TMEM245: variants seen among roughly 807,000 people sequenced by gnomAD.
The protein encoded by TMEM245 is transmembrane protein 245, also known as protein CG-2.
Under a neutral mutation model 101.2 loss-of-function variants are expected in TMEM245, and 69 were observed. That is an observed-to-expected ratio of 0.68 (90% CI 0.56 to 0.83). The LOEUF (loss-of-function observed/expected upper bound fraction) is 0.83. TMEM245 is among the 40% of genes least tolerant of loss of function. The pLI, the probability that TMEM245 is intolerant of heterozygous loss-of-function variation, is 0.00. For synonymous variants in TMEM245, 537 were observed against 449.8 expected (o/e 1.19, Z -2.45); for missense variants, 1,075 against 1,092.8 (o/e 0.98, Z 0.23).
At chr9:109,116,044 A>G (rs1483302572) in intron 1 of TMEM245, among the ~76,000 whole-genome samples, 1 of 152,200 alleles carries the variant, frequency 6.6e-6, no homozygotes, top group Non-Finnish European at 1.5e-5. Flanking sequence ...AGAGAATGAA[A>G]TAACACCCAT....
chr9:109,024,309 C>A (rs183888985), intron 17 of TMEM245, among the ~76,000 whole-genome samples: 17 of 152,220 alleles, frequency 1.1e-4, no homozygotes, highest in Admixed American at 3.9e-4. Flanking sequence ...GAATAAAGTT[C>A]TAAGGCTAGG....
intron 3 of TMEM245, among the ~76,000 whole-genome samples, chr9:109,104,504 C>G (rs1306147518): frequency 2.6e-5 from 4 of 152,098 alleles, no homozygotes; most frequent in Non-Finnish European, 5.9e-5. Flanking sequence ...GAATGCAATC[C>G]CTATCAAAAT....
intron 1 of TMEM245, among the ~76,000 whole-genome samples, chr9:109,119,048 C>A (rs1830812105): frequency 6.6e-6 from 1 of 152,222 alleles, no homozygotes; most frequent in Non-Finnish European, 1.5e-5. Flanking sequence ...CCTCTCTCTG[C>A]AAAGCGAAAT....
At chr9:109,094,256 C>A (rs1830081796) in intron 3 of TMEM245, among the ~76,000 whole-genome samples, 1 of 152,158 alleles carries the variant, frequency 6.6e-6, no homozygotes, top group Non-Finnish European at 1.5e-5. Context: ...AACCTTTAAC[C>A]TTCTATAGCA....
At position 109,015,268 on chromosome 9, in the gene TMEM245, A is replaced by G. The variant is rs1273727803; in HGVS notation, c.*5192T>C. The G allele has an allele frequency of 6.6e-6, 1 of 152,232 alleles. No homozygotes were observed. Among genetic ancestry groups the G allele is most frequent in the African/African-American group, 2.4e-5 (1 of 41,466 alleles). The allele number at this position is 152,232 out of a possible 1,614,324, so 9.4% of individuals were successfully genotyped here. A position where few individuals can be genotyped will look rare whatever the true frequency, so the allele number is the denominator to read the frequency against. Reference sequence around the variant, plus strand: ...AGAAACAGCATTTGTGTGAGAACAGAGGGTATTTATTGTATTCGAATATTC... The same window carrying G: ...AGAAACAGCATTTGTGTGAGAACAGGGGGTATTTATTGTATTCGAATATTC... On this transcript the variant is annotated 3_prime_UTR_variant, in exon 18 of 18. Transcript: ENST00000374586.
At chr9:109,072,912 T>C (rs936118314) in intron 9 of TMEM245, among the ~76,000 whole-genome samples, 1 of 152,226 alleles carries the variant, frequency 6.6e-6, no homozygotes, top group Non-Finnish European at 1.5e-5. Context: ...CATGTTATAG[T>C]GGAAACTTTC....
chr9:109,064,397 TTA>T (rs1829102285), intron 10 of TMEM245, 78 bp downstream of exon 10: 1 of 1,260,614 alleles, frequency 7.9e-7, no homozygotes, highest in Non-Finnish European at 1.1e-6. Context: ...GCATTTCTAC[TTA>T]TGTTTTATCA....
At position 109,093,531 on chromosome 9, in the gene TMEM245, A is replaced by T; in HGVS notation, c.860T>A (p.Ile287Asn). Residue 287 changes from isoleucine to asparagine, a missense_variant, in exon 4 of 18, where the codon ATC becomes AAC. By Grantham distance (149) the Ile-to-Asn change is moderately radical (BLOSUM62 -3). Coordinates refer to ENST00000374586, the MANE Select transcript of TMEM245 (RefSeq NM_032012.4). The stretch of plus-strand genomic sequence containing the variant: ...GCTTGATTCATACCCTGTGATAGAG[A>T]TGGCCAAGTTTGCCAGAGTAGAAGC... Reference protein sequence around the residue: ...MAASTLANLAISITGYESSSE... With the variant: ...MAASTLANLANSITGYESSSE... 6.2e-7 allele frequency: 1 copy of T among 1,614,112 alleles called. No individual in the cohort carries two copies. The highest frequency in any genetic ancestry group is 1.3e-5 in the African/African-American group (1 of 75,018).
At chr9:109,065,613 A>C (rs1203997642) in intron 9 of TMEM245, among the ~76,000 whole-genome samples, 1 of 152,184 alleles carries the variant, frequency 6.6e-6, no homozygotes, top group East Asian at 1.9e-4. Context: ...TCTTCTGTTG[A>C]CTAAGCAGGC....
intron 12 of TMEM245, among the ~76,000 whole-genome samples, chr9:109,052,299 AT>A (rs1828709591): frequency 1.3e-5 from 2 of 152,208 alleles, no homozygotes; most frequent in Non-Finnish European, 2.9e-5. Flanking sequence ...TATTATCTCT[AT>A]TTTATACATA....
rs1243151281 is a variant in TMEM245 at position 109,016,883 on chromosome 9, G to A, written c.*3577C>T. On this transcript the variant is annotated 3_prime_UTR_variant, in exon 18 of 18. Transcript: ENST00000374586. ...TTTAAGGGTCTTAGGAGGCCCCTCA[G>A]AGGAGACTGCAAGGTCAGGGCTAGA... 1 of 152,156 alleles carries A rather than the reference G, an allele frequency of 6.6e-6. No individual in the cohort carries two copies. Among genetic ancestry groups the A allele is most frequent in the Admixed American group, 6.5e-5 (1 of 15,286 alleles). 9.4% of individuals were successfully genotyped at this position (152,156 alleles called of 1,614,324 possible). A position where few individuals can be genotyped will look rare whatever the true frequency, so the allele number is the denominator to read the frequency against.
intron 11 of TMEM245, 86 bp downstream of exon 11, chr9:109,060,268 A>T (rs1333605190): frequency 1.1e-6 from 1 of 951,602 alleles, no homozygotes; most frequent in African/African-American, 1.7e-5. Flanking sequence ...ATGAAATCCC[A>T]CTGTGAATAT....
At chr9:109,073,744 C>T (rs868131011) in intron 8 of TMEM245, among the ~76,000 whole-genome samples, 3 of 151,736 alleles carry the variant, frequency 2.0e-5, no homozygotes, top group African/African-American at 7.3e-5. Flanking sequence ...ATGAATATAT[C>T]GTATAAATGT....
intron 11 of TMEM245, among the ~76,000 whole-genome samples, chr9:109,057,785 T>C (rs2132422216): frequency 6.6e-6 from 1 of 152,176 alleles, no homozygotes; most frequent in East Asian, 1.9e-4. Context: ...GAACTCCATT[T>C]AAAGACCTGA....
intron 17 of TMEM245, among the ~76,000 whole-genome samples, chr9:109,028,206 T>C (rs1309087144): frequency 6.6e-6 from 1 of 151,572 alleles, no homozygotes; most frequent in Non-Finnish European, 1.5e-5. Context: ...TCCCAGCACT[T>C]TGGGAGGCTG....
intron 7 of TMEM245, among the ~76,000 whole-genome samples, chr9:109,082,464 AG>A (rs1829693544): frequency 6.6e-6 from 1 of 152,246 alleles, no homozygotes; most frequent in African/African-American, 2.4e-5. Context: ...TTATCAAGGC[AG>A]CTTCCTGGGG....
rs777589804 is a variant in TMEM245 at position 109,086,023 on chromosome 9, T to C, written c.1321-3A>G. 1 of 1,613,392 alleles carries C rather than the reference T, an allele frequency of 6.2e-7. No homozygotes were observed. The highest frequency in any genetic ancestry group is 1.7e-5 in the Admixed American group (1 of 59,962). ...TTCTTATTTAGCCAGTGCCAGAGCT[T>C]GAGGATAGGGGGTAAGGTGAGAAAG... On this transcript the variant is annotated splice_polypyrimidine_tract_variant and splice_region_variant and intron_variant, in intron 6 of 17. Coordinates refer to ENST00000374586, the MANE Select transcript of TMEM245 (RefSeq NM_032012.4).
chr9:109,032,580 G>GCCA (rs1827994343), intron 17 of TMEM245, among the ~76,000 whole-genome samples: 1 of 149,724 alleles, frequency 6.7e-6, no homozygotes, highest in African/African-American at 2.5e-5. Flanking sequence ...TAGAGATGGG[G>GCCA]TTTTACCATG....
At chr9:109,062,849 A>G (rs1322088566) in intron 10 of TMEM245, among the ~76,000 whole-genome samples, 1 of 152,066 alleles carries the variant, frequency 6.6e-6, no homozygotes, top group Non-Finnish European at 1.5e-5. Context: ...GCATGCCTGT[A>G]GTTCCAGCTA....
Sources: gnomAD v4.1 joint callset for allele counts (sites outside exome capture counted in the v4.1 genomes callset) on GRCh38, gnomAD v4.1.1 for gene constraint, MANE v1.5 for transcripts, NCBI Gene and HGNC (gene_info 2026-07-23, HGNC 2026-07-21) for gene names.